Variants in FBXL20 observed in about 807,000 individuals in gnomAD.
FBXL20 encodes F-box and leucine rich repeat protein 20, also known as F-box/LRR-repeat protein 20.
In FBXL20, 11 loss-of-function variants were observed where a neutral mutation model predicts 64.0. That is an observed-to-expected ratio of 0.17 (90% confidence interval 0.11 to 0.28). The LOEUF is 0.28. Ranked by LOEUF, FBXL20 falls within the 10% of genes least tolerant of loss-of-function variation. The pLI, the probability that FBXL20 is intolerant of heterozygous loss-of-function variation, is 1.00. For missense variants in FBXL20, 303 were observed against 526.2 expected (o/e 0.58, Z 4.15); for synonymous variants, 184 against 189.0 (o/e 0.97, Z 0.22).
At chr17:39,284,452 C>T (rs2046972505) in intron 7 of FBXL20, among the ~76,000 whole-genome samples, 1 of 152,214 alleles carries the variant, frequency 6.6e-6, no homozygotes, top group South Asian at 2.1e-4. Flanking sequence ...ACGATTACAG[C>T]TCACTGCAGC....
At chr17:39,307,678 T>A (rs1469209512) in intron 2 of FBXL20, among the ~76,000 whole-genome samples, 1 of 152,016 alleles carries the variant, frequency 6.6e-6, no homozygotes, top group Non-Finnish European at 1.5e-5. Flanking sequence ...CCAGAATATG[T>A]TAAAAAAAAG....
At chr17:39,357,275 C>CA (rs34332873) in intron 1 of FBXL20, among the ~76,000 whole-genome samples, 37,356 of 92,824 alleles carry the variant, frequency 0.4, 6,752 homozygotes, top group African/African-American at 0.53. Flanking sequence ...AACTCTGTCT[C>CA]AAAAAAAAAA....
At chr17:39,365,669 T>C (rs2047852716) in intron 1 of FBXL20, among the ~76,000 whole-genome samples, 1 of 152,220 alleles carries the variant, frequency 6.6e-6, no homozygotes. Context: ...CTTTTATTTT[T>C]TTCTTTTCAG....
At chr17:39,286,813 T>G (rs917539291) in intron 6 of FBXL20, among the ~76,000 whole-genome samples, 2 of 152,194 alleles carry the variant, frequency 1.3e-5, no homozygotes, top group Admixed American at 1.3e-4. Flanking sequence ...AAAAAATTTT[T>G]TTTATGCCAT....
At chr17:39,316,723 C>T (rs2047295945) in intron 2 of FBXL20, among the ~76,000 whole-genome samples, 2 of 152,202 alleles carry the variant, frequency 1.3e-5, no homozygotes, top group Admixed American at 6.5e-5. Flanking sequence ...CGGTGGCTCA[C>T]GCCTGTAATC....
At position 39,340,703 on chromosome 17, in the gene FBXL20, A is replaced by G. The variant is rs75951235; in HGVS notation, c.104+2477T>C. Among the ~76,000 whole-genome samples, 857 of 152,258 alleles carry G rather than the reference A, an allele frequency of 5.6e-3. 33 individuals carry two copies. In the East Asian group the frequency reaches 0.066, roughly 12 times the overall value. ...AAAACTTAAAAATAAGAACATCTAA[A>G]AAAAAAAGATACATAAAAGCCTAAT... On this transcript the variant is annotated intron_variant, in intron 2 of 14. Transcript: ENST00000264658.
intron 1 of FBXL20, among the ~76,000 whole-genome samples, chr17:39,367,675 C>T (rs987663119): frequency 6.6e-6 from 1 of 151,916 alleles, no homozygotes; most frequent in East Asian, 1.9e-4. Flanking sequence ...ACTTTACTTC[C>T]AAATTTTTAC....
At chr17:39,319,860 C>T (rs926267899) in intron 2 of FBXL20, among the ~76,000 whole-genome samples, 3 of 151,992 alleles carry the variant, frequency 2.0e-5, no homozygotes, top group South Asian at 2.1e-4. Context: ...AATCCTCCCA[C>T]GCCAACTTCC....
intron 6 of FBXL20, among the ~76,000 whole-genome samples, chr17:39,294,430 C>A (rs2047067042): frequency 6.6e-6 from 1 of 151,974 alleles, no homozygotes; most frequent in African/African-American, 2.4e-5. Context: ...CAGGCATATG[C>A]CACCATGCCT....
chr17:39,332,536 C>CT (rs58827473), intron 2 of FBXL20, among the ~76,000 whole-genome samples: 26,630 of 96,834 alleles, frequency 0.28, 4,029 homozygotes, highest in South Asian at 0.33. Flanking sequence ...TTCTTTGTAT[C>CT]TTTTTTTTTT....
chr17:39,339,734 A>T (rs1389569275), intron 2 of FBXL20, among the ~76,000 whole-genome samples: 1 of 150,588 alleles, frequency 6.6e-6, no homozygotes, highest in Non-Finnish European at 1.5e-5. Flanking sequence ...TGCAACCTCC[A>T]CCTGCAGGGT....
At chr17:39,349,593 A>T (rs1002781570) in intron 1 of FBXL20, among the ~76,000 whole-genome samples, 5 of 151,922 alleles carry the variant, frequency 3.3e-5, no homozygotes, top group African/African-American at 1.2e-4. Flanking sequence ...CCTCTGGAAA[A>T]AAAAAATAAG....
intron 3 of FBXL20, 44 bp downstream of exon 3, chr17:39,303,541 G>A (rs554256038): frequency 2.1e-5 from 32 of 1,535,602 alleles, no homozygotes; most frequent in East Asian, 1.1e-4. Context: ...GTTATCATCA[G>A]TATGAAGAAG....
chr17:39,337,779 G>A (rs1382885807), intron 2 of FBXL20, among the ~76,000 whole-genome samples: 2 of 151,800 alleles, frequency 1.3e-5, no homozygotes, highest in Non-Finnish European at 2.9e-5. Flanking sequence ...GGAGGTGGGG[G>A]TCAGCCCCCG....
At chr17:39,321,416 A>G (rs1597796529) in intron 2 of FBXL20, among the ~76,000 whole-genome samples, 1 of 150,824 alleles carries the variant, frequency 6.6e-6, no homozygotes, top group Non-Finnish European at 1.5e-5. Flanking sequence ...CAGTGAGCCA[A>G]GATTGCACCA....
chr17:39,317,928 C>G (rs1214358894), intron 2 of FBXL20, among the ~76,000 whole-genome samples: 1 of 151,742 alleles, frequency 6.6e-6, no homozygotes, highest in African/African-American at 2.4e-5. Context: ...GTCTCGATCT[C>G]CTGACCTAGT....
At chr17:39,281,084 A>G (rs2046946205) in intron 9 of FBXL20, among the ~76,000 whole-genome samples, 1 of 152,140 alleles carries the variant, frequency 6.6e-6, no homozygotes, top group African/African-American at 2.4e-5. Context: ...TTTAAATACT[A>G]AACTTGTGAA....
chr17:39,378,841 C>A (rs2047995315), intron 1 of FBXL20, among the ~76,000 whole-genome samples: 1 of 151,554 alleles, frequency 6.6e-6, no homozygotes, highest in South Asian at 2.1e-4. Context: ...GAACTCCTGA[C>A]CTCAGGTGAT....
chr17:39,282,664 C>G, intron 8 of FBXL20, 65 bp downstream of exon 8: 1 of 1,608,400 alleles, frequency 6.2e-7, no homozygotes, highest in Non-Finnish European at 8.5e-7. Context: ...TTGGGGCTGT[C>G]TATAAAGAGC....
Sources: gnomAD v4.1 joint callset for allele counts (sites outside exome capture counted in the v4.1 genomes callset) on GRCh38, gnomAD v4.1.1 for gene constraint, MANE v1.5 for transcripts, NCBI Gene and HGNC (gene_info 2026-07-23, HGNC 2026-07-21) for gene names.